Variants in LRMDA observed in about 807,000 individuals in gnomAD.
LRMDA encodes leucine rich melanocyte differentiation associated.
Under a neutral mutation model 29.8 loss-of-function variants are expected in LRMDA, and 18 were observed. That is an observed-to-expected ratio of 0.60 (90% CI 0.42 to 0.90). LRMDA has a LOEUF of 0.90. LRMDA is among the 40% of genes least tolerant of loss of function. LRMDA has a pLI of 0.00. For missense variants in LRMDA, 273 were observed against 273.9 expected (o/e 1.00, Z 0.02); for synonymous variants, 125 against 109.4 (o/e 1.14, Z -0.89).
At chr10:75,786,712 A>T (rs1843477980) in intron 2 of LRMDA, among the ~76,000 whole-genome samples, 1 of 152,186 alleles carries the variant, frequency 6.6e-6, no homozygotes. Flanking sequence ...AGGTTTGAAT[A>T]TGCATCCAAT....
intron 2 of LRMDA, among the ~76,000 whole-genome samples, chr10:75,978,166 C>T (rs1377183245): frequency 6.6e-6 from 1 of 152,182 alleles, no homozygotes; most frequent in African/African-American, 2.4e-5. Flanking sequence ...GGCTTAGCTG[C>T]ATGTAGCAGA....
At chr10:75,479,524 G>C (rs1387776209) in intron 2 of LRMDA, among the ~76,000 whole-genome samples, 1 of 139,170 alleles carries the variant, frequency 7.2e-6, no homozygotes, top group Non-Finnish European at 1.6e-5. Context: ...AAAAAAAAAA[G>C]TACACGCAAC....
intron 2 of LRMDA, among the ~76,000 whole-genome samples, chr10:75,467,197 C>T (rs1395553978): frequency 2.0e-5 from 3 of 152,136 alleles, no homozygotes; most frequent in African/African-American, 7.2e-5. Context: ...GAGTCTGAAG[C>T]GACCAGTAGG....
intron 2 of LRMDA, among the ~76,000 whole-genome samples, chr10:75,901,076 A>T (rs867366537): frequency 5.9e-5 from 9 of 152,330 alleles, no homozygotes; most frequent in Middle Eastern, 6.8e-3. Context: ...AAAGAGAGAG[A>T]GGGAGACAGA....
chr10:75,929,295 A>ATG (rs151109175), intron 2 of LRMDA, among the ~76,000 whole-genome samples: 3,181 of 151,100 alleles, frequency 0.021, 76 homozygotes, highest in East Asian at 0.07. Context: ...TGCATGATCT[A>ATG]TGTGTGTGTG....
chr10:75,586,893 G>A (rs1840663684), intron 2 of LRMDA, among the ~76,000 whole-genome samples: 1 of 151,720 alleles, frequency 6.6e-6, no homozygotes, highest in Non-Finnish European at 1.5e-5. Context: ...TCAGGCATAT[G>A]GTTTGCAAAT....
chr10:75,526,902 G>T lies in LRMDA; in HGVS notation c.131+88408G>T, dbSNP rs536254340. Among the ~76,000 whole-genome samples the T allele has an allele frequency of 3.9e-3, 589 of 151,262 alleles. 6 individuals are homozygous for T. Among genetic ancestry groups the T allele is most frequent in the African/African-American group, 0.014 (567 of 41,286 alleles). ...ACATAATATGAAATGTACCATTTAA[G>T]TTATTTTAAAGTACATAATTAATTA... is the stretch of plus-strand genomic sequence containing the variant. On this transcript the variant is annotated intron_variant, in intron 2 of 6. Coordinates refer to ENST00000611255, the MANE Select transcript of LRMDA (RefSeq NM_001305581.2).
chr10:76,373,180 C>T (rs1485824354), intron 6 of LRMDA, among the ~76,000 whole-genome samples: 1 of 152,084 alleles, frequency 6.6e-6, no homozygotes, highest in African/African-American at 2.4e-5. Context: ...GCTGGTGATG[C>T]TTCCATTGGG....
At chr10:76,409,210 CTT>C (rs2132505997) in intron 6 of LRMDA, among the ~76,000 whole-genome samples, 1 of 152,284 alleles carries the variant, frequency 6.6e-6, no homozygotes, top group African/African-American at 2.4e-5. Context: ...TTTTCGTACT[CTT>C]TTCCTTTGAG....
At chr10:75,479,150 C>T (rs1023303385) in intron 2 of LRMDA, among the ~76,000 whole-genome samples, 6 of 152,138 alleles carry the variant, frequency 3.9e-5, no homozygotes, top group Middle Eastern at 3.4e-3. Context: ...TGGGAGGTTG[C>T]GGCCAAGTGT....
At chr10:76,129,571 G>T (rs1320912398) in intron 5 of LRMDA, among the ~76,000 whole-genome samples, 1 of 152,080 alleles carries the variant, frequency 6.6e-6, no homozygotes, top group African/African-American at 2.4e-5. Context: ...CAGGAGTGGG[G>T]GTGGGTTCTA....
chr10:75,801,636 C>A (rs1014234747), intron 2 of LRMDA, among the ~76,000 whole-genome samples: 10 of 152,266 alleles, frequency 6.6e-5, no homozygotes, highest in African/African-American at 2.4e-4. Flanking sequence ...AAGCCCTGAG[C>A]AGGACTGAGA....
intron 2 of LRMDA, among the ~76,000 whole-genome samples, chr10:75,860,937 A>T (rs1424366629): frequency 1.3e-5 from 2 of 152,224 alleles, no homozygotes; most frequent in African/African-American, 2.4e-5. Context: ...TCATCTGCTA[A>T]TAAAGATATT....
intron 5 of LRMDA, among the ~76,000 whole-genome samples, chr10:76,293,616 A>G (rs1423599745): frequency 3.3e-5 from 5 of 152,216 alleles, no homozygotes; most frequent in African/African-American, 9.6e-5. Context: ...TTTAAGTTCA[A>G]GCCTTAGGGA....
intron 2 of LRMDA, among the ~76,000 whole-genome samples, chr10:75,902,113 C>T (rs1381600374): frequency 6.6e-6 from 1 of 152,118 alleles, no homozygotes; most frequent in African/African-American, 2.4e-5. Flanking sequence ...GGCCTTTGCA[C>T]ACATCCACAT....
At chr10:76,032,309 A>G (rs868460376) in intron 2 of LRMDA, among the ~76,000 whole-genome samples, 1 of 152,226 alleles carries the variant, frequency 6.6e-6, no homozygotes, top group Non-Finnish European at 1.5e-5. Context: ...CATGCCAGCC[A>G]CTGGCCTGGC....
At chr10:75,547,296 AT>A in intron 2 of LRMDA, among the ~76,000 whole-genome samples, 1 of 152,316 alleles carries the variant, frequency 6.6e-6, no homozygotes, top group Non-Finnish European at 1.5e-5. Flanking sequence ...TATTTTAGGC[AT>A]GGATAAGGAG....
At chr10:75,888,189 T>TA (rs1845422903) in intron 2 of LRMDA, among the ~76,000 whole-genome samples, 1 of 152,156 alleles carries the variant, frequency 6.6e-6, no homozygotes, top group African/African-American at 2.4e-5. Flanking sequence ...CCCAGCCCTG[T>TA]AGCCACAGAG....
At chr10:75,956,287 T>C (rs1846662209) in intron 2 of LRMDA, among the ~76,000 whole-genome samples, 2 of 152,210 alleles carry the variant, frequency 1.3e-5, no homozygotes, top group South Asian at 4.1e-4. Flanking sequence ...GGAGAGGGTT[T>C]TGTTTTGTTT....
Sources: gnomAD v4.1 joint callset for allele counts (sites outside exome capture counted in the v4.1 genomes callset) on GRCh38, gnomAD v4.1.1 for gene constraint, MANE v1.5 for transcripts, NCBI Gene and HGNC (gene_info 2026-07-23, HGNC 2026-07-21) for gene names.